TTC29: variants seen among roughly 807,000 people sequenced by gnomAD.
TTC29 encodes tetratricopeptide repeat domain 29.
TTC29 carries 49 observed loss-of-function variants against 58.1 expected under a neutral mutation model. The ratio of observed to expected loss-of-function variants is 0.84; its 90% CI spans 0.67 to 1.07. The LOEUF (loss-of-function observed/expected upper bound fraction) is 1.07. TTC29 is among the 50% of genes least tolerant of loss of function. The probability of loss-of-function intolerance (pLI) is 0.00; values close to 1 mark genes in which losing one functional copy is unlikely to be tolerated. For synonymous variants in TTC29, 209 were observed against 196.8 expected (o/e 1.06, Z -0.52); for missense variants, 582 against 555.6 (o/e 1.05, Z -0.48).
chr4:146,708,339 TATATATATATATATATACAC>T (rs1360297981), intron 11 of TTC29, among the ~76,000 whole-genome samples: 11 of 74,450 alleles, frequency 1.5e-4, no homozygotes, highest in East Asian at 4.8e-4. Context: ...TATATATATA[TATATATATATATATATACAC>T]ATGTATGTGT....
chr4:146,803,186 G>A (rs575493758), intron 11 of TTC29, among the ~76,000 whole-genome samples: 2 of 151,546 alleles, frequency 1.3e-5, no homozygotes, highest in South Asian at 4.2e-4. Context: ...ACCTATTGTT[G>A]ACTAAGATAA....
chr4:146,876,051 G>T (rs930601390), intron 6 of TTC29, among the ~76,000 whole-genome samples: 1 of 152,206 alleles, frequency 6.6e-6, no homozygotes, highest in Admixed American at 6.6e-5. Flanking sequence ...TTAAGAGTGA[G>T]TGTGGGCTCC....
At chr4:146,862,865 G>C (rs956959485) in intron 8 of TTC29, among the ~76,000 whole-genome samples, 1 of 152,126 alleles carries the variant, frequency 6.6e-6, no homozygotes, top group Non-Finnish European at 1.5e-5. Context: ...GCTCACCACT[G>C]TAATCCCAGC....
intron 11 of TTC29, among the ~76,000 whole-genome samples, chr4:146,715,349 T>C (rs1310759256): frequency 6.6e-6 from 1 of 152,128 alleles, no homozygotes; most frequent in African/African-American, 2.4e-5. Context: ...AGGTAAGATA[T>C]GGAATCAACC....
intron 2 of TTC29, among the ~76,000 whole-genome samples, chr4:146,941,473 G>A (rs1736381711): frequency 6.6e-6 from 1 of 152,252 alleles, no homozygotes; most frequent in South Asian, 2.1e-4. Flanking sequence ...TTGCAGTATG[G>A]GGGTAAATAG....
rs550841385 is a variant in TTC29 at position 146,738,946 on chromosome 4, G to A, written c.1331-31395C>T. 1.3e-4 allele frequency among the ~76,000 whole-genome samples: 20 copies of A among 152,230 alleles called. 1 individual carries two copies. In the South Asian group the frequency reaches 3.7e-3, roughly 28 times the overall value. On this transcript the variant is annotated intron_variant, in intron 11 of 12. Coordinates refer to ENST00000325106, the MANE Select transcript of TTC29 (RefSeq NM_031956.4). ...GCCCTTACCCCGTGCCTTACCCTGT[G>A]CATCTCTTCACCTGTACCTTTGTAA...
At chr4:146,850,086 G>C (rs878960650) in intron 8 of TTC29, among the ~76,000 whole-genome samples, 3 of 152,186 alleles carry the variant, frequency 2.0e-5, no homozygotes, top group Admixed American at 2.0e-4. Flanking sequence ...CCCAATGGGA[G>C]GGAAGGTCCA....
At chr4:146,824,029 C>A (rs1752018046) in intron 9 of TTC29, among the ~76,000 whole-genome samples, 1 of 152,162 alleles carries the variant, frequency 6.6e-6, no homozygotes, top group Non-Finnish European at 1.5e-5. Context: ...TCTAAATATA[C>A]AATCATGTCA....
chr4:146,838,541 T>C (rs2150165086), intron 8 of TTC29, among the ~76,000 whole-genome samples: 1 of 152,134 alleles, frequency 6.6e-6, no homozygotes, highest in East Asian at 1.9e-4. Flanking sequence ...AGGAAGACAT[T>C]ATTAGGTCTA....
intron 6 of TTC29, among the ~76,000 whole-genome samples, chr4:146,900,681 C>A (rs1167903366): frequency 3.9e-5 from 6 of 152,060 alleles, no homozygotes; most frequent in Admixed American, 1.3e-4. Context: ...TTTTAAAAAT[C>A]AGAATGAGAG....
intron 6 of TTC29, among the ~76,000 whole-genome samples, chr4:146,893,309 C>CA (rs1367911337): frequency 6.6e-6 from 1 of 152,158 alleles, no homozygotes; most frequent in East Asian, 1.9e-4. Flanking sequence ...ACCAAAACAG[C>CA]ATGGTACTGG....
chr4:146,728,209 C>G (rs1440922806), intron 11 of TTC29, among the ~76,000 whole-genome samples: 1 of 151,434 alleles, frequency 6.6e-6, no homozygotes, highest in Non-Finnish European at 1.5e-5. Context: ...ATCACCTGAA[C>G]ATGGAGGCAA....
At chr4:146,736,586 GC>G (rs1561073809) in intron 11 of TTC29, among the ~76,000 whole-genome samples, 1 of 152,136 alleles carries the variant, frequency 6.6e-6, no homozygotes, top group Non-Finnish European at 1.5e-5. Context: ...CCATCTGATA[GC>G]CCTTTATGCC....
At chr4:146,935,576 C>T (rs1033229245) in intron 4 of TTC29, among the ~76,000 whole-genome samples, 4 of 152,102 alleles carry the variant, frequency 2.6e-5, no homozygotes, top group African/African-American at 9.7e-5. Flanking sequence ...TCTATCCTAT[C>T]GTCTTAGTCT....
At chr4:146,736,668 T>A (rs1744730146) in intron 11 of TTC29, among the ~76,000 whole-genome samples, 1 of 152,138 alleles carries the variant, frequency 6.6e-6, no homozygotes, top group Non-Finnish European at 1.5e-5. Flanking sequence ...ATTTAACCTG[T>A]TATGGGACAT....
intron 11 of TTC29, among the ~76,000 whole-genome samples, chr4:146,733,653 G>A (rs114298211): frequency 4.7e-4 from 71 of 152,206 alleles, no homozygotes; most frequent in Non-Finnish European, 7.2e-4. Flanking sequence ...TCTTAAGGAT[G>A]ACAAATGCCT....
intron 10 of TTC29, among the ~76,000 whole-genome samples, chr4:146,806,653 A>G (rs1168228994): frequency 6.6e-6 from 1 of 152,122 alleles, no homozygotes; most frequent in Non-Finnish European, 1.5e-5. Context: ...GGCACTACAT[A>G]ATGGTAAAGG....
At chr4:146,942,057 T>A (rs1382768504) in intron 2 of TTC29, among the ~76,000 whole-genome samples, 2 of 152,160 alleles carry the variant, frequency 1.3e-5, no homozygotes, top group Non-Finnish European at 2.9e-5. Flanking sequence ...AATAGACAGC[T>A]TTGTGTTACT....
chr4:146,856,518 C>T (rs556311147), intron 8 of TTC29, among the ~76,000 whole-genome samples: 4 of 151,530 alleles, frequency 2.6e-5, no homozygotes, highest in South Asian at 2.1e-4. Context: ...AAATTATTAC[C>T]AAACAGATTT....
Sources: gnomAD v4.1 joint callset for allele counts (sites outside exome capture counted in the v4.1 genomes callset) on GRCh38, gnomAD v4.1.1 for gene constraint, MANE v1.5 for transcripts, NCBI Gene and HGNC (gene_info 2026-07-23, HGNC 2026-07-21) for gene names.